LY9: variants seen among roughly 807,000 people sequenced by gnomAD.
The protein encoded by LY9 is T-lymphocyte surface antigen Ly-9.
A neutral mutation model predicts 64.6 loss-of-function variants in LY9; 59 were observed. The observed-to-expected ratio is 0.91, with a 90% CI of 0.74 to 1.13. The LOEUF is 1.13. LY9 is among the 50% of genes most tolerant of loss of function. The pLI is 0.00. For missense variants in LY9, 789 were observed against 797.2 expected (o/e 0.99, Z 0.12); for synonymous variants, 281 against 308.5 (o/e 0.91, Z 0.93).
chr1:160,801,913 G>C (rs761757383), intron 2 of LY9: 2 of 1,613,042 alleles, frequency 1.2e-6, no homozygotes, highest in East Asian at 4.5e-5. Context: ...GTGCGGGAGG[G>C]CTAGGCCCTC....
At chr1:160,796,698 G>A (rs1004126688) in intron 1 of LY9, among the ~76,000 whole-genome samples, 2 of 152,134 alleles carry the variant, frequency 1.3e-5, no homozygotes, top group Non-Finnish European at 1.5e-5. Flanking sequence ...TGGTAAAATC[G>A]GGAAACTCAT....
At chr1:160,818,106 CA>C (rs1668099494) in intron 5 of LY9, 111 bp from the exon 6 acceptor site, 14 of 708,736 alleles carry the variant, frequency 2.0e-5, no homozygotes, top group Non-Finnish European at 3.2e-5. Flanking sequence ...AGACTTTCCA[CA>C]ACGTCATGGA....
intron 1 of LY9, among the ~76,000 whole-genome samples, chr1:160,797,787 G>T (rs1311707959): frequency 6.6e-6 from 1 of 152,000 alleles, no homozygotes; most frequent in Admixed American, 6.6e-5. Context: ...AGTGATGAGG[G>T]CCTCTATTTC....
intron 7 of LY9, among the ~76,000 whole-genome samples, chr1:160,820,701 C>T (rs1668353455): frequency 6.6e-6 from 1 of 152,150 alleles, no homozygotes; most frequent in Non-Finnish European, 1.5e-5. Context: ...GCCACCACCA[C>T]CTCCCTACCT....
chr1:160,803,281 T>TA lies in LY9; in HGVS notation c.454+3208dup, dbSNP rs1360513403. On this transcript the variant is annotated intron_variant, in intron 2 of 9. Coordinates refer to ENST00000263285, the MANE Select transcript of LY9 (RefSeq NM_002348.4). ...TGGGTGACAAAGTGAAAACCGTGTC[T>TA]AAAAAAAAATTTTTTTTTTTAAAAA... Among the ~76,000 whole-genome samples the TA allele has an allele frequency of 9.7e-3, 1,220 of 126,138 alleles. 14 individuals are homozygous for TA. The highest frequency in any genetic ancestry group is 0.03 in the African/African-American group (1,146 of 37,644). The allele number at this position is 126,138 out of a possible 152,430, so 82.8% of individuals were successfully genotyped here.
At chr1:160,812,258 C>G (rs1395603714) in intron 2 of LY9, 1 of 152,190 alleles carries the variant, frequency 6.6e-6, no homozygotes, top group African/African-American at 2.4e-5. Flanking sequence ...AAGGATACCA[C>G]TCATATCAGA....
intron 2 of LY9, chr1:160,802,049 T>C (rs1666543248): frequency 2.8e-6 from 4 of 1,427,044 alleles, no homozygotes; most frequent in African/African-American, 2.9e-5. Flanking sequence ...CTGCTAGACG[T>C]GGGCGTTAGG....
At position 160,796,299 on chromosome 1, in the gene LY9, T is replaced by G; in HGVS notation, c.112T>G (p.Phe38Val). The G allele has an allele frequency of 6.2e-7, 1 of 1,612,928 alleles. No individual in the cohort carries two copies. The highest frequency in any genetic ancestry group is 8.5e-7 in the Non-Finnish European group (1 of 1,179,806). ...TTCTGTTCTACAGACCTCTCTCCTC[T>G]TCCTGCTCATGGGTAAGTCCACTTT... ...FSSVLQTSLL[F>V]LLMGLRASGK... Residue 38 changes from phenylalanine to valine, a missense_variant, in exon 1 of 10, where the codon TTC becomes GTC. Phe to Val is a conservative substitution (Grantham distance 50). Transcript: ENST00000263285.
rs1202944486 is a variant in LY9, at chr1:160,814,451, G to C, written c.762G>C (p.Gly254=). The C allele has an allele frequency of 6.2e-7, 1 of 1,613,260 alleles. No homozygotes were observed. Among genetic ancestry groups the C allele is most frequent in the East Asian group, 2.2e-5 (1 of 44,894 alleles). ...DPGASRGGTT[G]ETVVGVLGEP... The stretch of plus-strand genomic sequence containing the variant: ...GAGCCTCCAGAGGAGGAACAACGGG[G>C]GAGACTGTGGTAGGGGTCCTGGGAG... Residue 254 remains glycine, a synonymous_variant, in exon 4 of 10, where the codon GGG becomes GGC. Coordinates refer to ENST00000263285, the MANE Select transcript of LY9 (RefSeq NM_002348.4).
chr1:160,824,273 A>G, intron 9 of LY9, 24 bp downstream of exon 9: 3 of 1,613,930 alleles, frequency 1.9e-6, no homozygotes, highest in Non-Finnish European at 2.5e-6. Context: ...CATTCTCTGT[A>G]TCCCAAGGCC....
At chr1:160,817,166 T>C (rs939662950) in intron 5 of LY9, among the ~76,000 whole-genome samples, 1 of 152,256 alleles carries the variant, frequency 6.6e-6, no homozygotes, top group Admixed American at 6.5e-5. Context: ...CATTTTATTT[T>C]GTACTAAGTC....
Position 160,799,993 on chromosome 1 carries a change from C to T in LY9, c.365C>T (p.Thr122Ile). The change falls in exon 2 of 10, where the codon ACT becomes ATT. Residue 122 changes from threonine to isoleucine, a missense_variant. By Grantham distance (89) the Thr-to-Ile change is moderately conservative. Transcript: ENST00000263285. ...WSYSLCISNL[T>I]LNDAGSYKAQ... ...TACTCCCTGTGCATCAGCAATCTGA[C>T]TCTGAATGATGCAGGATCCTACAAA... The T allele has an allele frequency of 6.2e-7, 1 of 1,614,150 alleles. No homozygotes were observed. The highest frequency in any genetic ancestry group is 1.1e-5 in the South Asian group (1 of 91,076).
intron 2 of LY9, among the ~76,000 whole-genome samples, chr1:160,806,962 A>G (rs535485727): frequency 9.9e-5 from 15 of 152,162 alleles, no homozygotes; most frequent in Non-Finnish European, 1.8e-4. Flanking sequence ...AATTATTTCA[A>G]AAGACCTGTC....
At chr1:160,819,718 G>A (rs1668233535) in intron 7 of LY9, among the ~76,000 whole-genome samples, 1 of 151,118 alleles carries the variant, frequency 6.6e-6, no homozygotes, top group African/African-American at 2.4e-5. Flanking sequence ...TTTAACCTGG[G>A]AGGTGGAGGT....
rs553587235 is a variant in LY9, at chr1:160,801,585, G to T, written c.454+1503G>T. On this transcript the variant is annotated intron_variant, in intron 2 of 9. Transcript: ENST00000263285. ...ATCCCGTTTGTCTATTTTTGTTTTTGTTACCTGTGCTTTTGAGGTCTTAGT... is the reference window on the plus strand; with the variant it reads ...ATCCCGTTTGTCTATTTTTGTTTTTTTTACCTGTGCTTTTGAGGTCTTAGT... Among the ~76,000 whole-genome samples, 56 of 152,144 alleles carry T rather than the reference G, an allele frequency of 3.7e-4. 1 individual carries two copies. The highest frequency in any genetic ancestry group is 1.3e-3 in the African/African-American group (54 of 41,502).
intron 2 of LY9, among the ~76,000 whole-genome samples, chr1:160,809,073 T>G (rs1667237208): frequency 6.6e-6 from 1 of 152,184 alleles, no homozygotes; most frequent in South Asian, 2.1e-4. Context: ...TAAACAATGC[T>G]GCAATGAATA....
At position 160,814,583 on chromosome 1, in the gene LY9, G is replaced by A. The variant is rs562133379; in HGVS notation, c.894G>A (p.Thr298=). The A allele has an allele frequency of 4.7e-5, 76 of 1,614,108 alleles. No homozygotes were observed. Among genetic ancestry groups the A allele is most frequent in the South Asian group, 2.0e-4 (18 of 91,078 alleles). Reference sequence around the variant, plus strand: ...GCAAAGAGAGGGAAGAAGCAGCAACGGCAGATCCACTCATTAAATCCAGGG... The same window carrying A: ...GCAAAGAGAGGGAAGAAGCAGCAACAGCAGATCCACTCATTAAATCCAGGG... ...IISKEREEAA[T]ADPLIKSRDP... is the part of the protein sequence containing the mutation. Residue 298 remains threonine, a synonymous_variant, in exon 4 of 10, where the codon ACG becomes ACA. Transcript: ENST00000263285.
intron 4 of LY9, among the ~76,000 whole-genome samples, chr1:160,815,501 C>T (rs528839653): frequency 6.6e-6 from 1 of 152,302 alleles, no homozygotes; most frequent in African/African-American, 2.4e-5. Flanking sequence ...ATTCTTCTGC[C>T]TCAGCCTCCC....
At chr1:160,826,769 T>C (rs1378571742) in intron 9 of LY9, among the ~76,000 whole-genome samples, 1 of 152,248 alleles carries the variant, frequency 6.6e-6, no homozygotes, top group Non-Finnish European at 1.5e-5. Flanking sequence ...TCCTGACTTC[T>C]AGACAGTAGT....
Sources: gnomAD v4.1 joint callset for allele counts (sites outside exome capture counted in the v4.1 genomes callset) on GRCh38, gnomAD v4.1.1 for gene constraint, MANE v1.5 for transcripts, NCBI Gene and HGNC (gene_info 2026-07-23, HGNC 2026-07-21) for gene names.